LINGO1: variants seen among roughly 807,000 people sequenced by gnomAD.
The protein encoded by LINGO1 is leucine-rich repeat and immunoglobulin-like domain-containing nogo receptor-interacting protein 1.
Under a neutral mutation model 37.3 loss-of-function variants are expected in LINGO1, and 11 were observed. The observed-to-expected ratio is 0.29, with a 90% CI of 0.19 to 0.49. The LOEUF (loss-of-function observed/expected upper bound fraction) is 0.49. LINGO1 is among the 20% of genes least tolerant of loss of function. LINGO1 has a pLI of 0.99. For missense variants in LINGO1, 585 were observed against 878.2 expected, an observed-to-expected ratio of 0.67 and a Z score of 4.22; for synonymous variants, 387 against 403.0, an observed-to-expected ratio of 0.96 and a Z score of 0.48.
intron 1 of LINGO1, among the ~76,000 whole-genome samples, chr15:77,818,285 G>A (rs2077064671): frequency 6.6e-6 from 1 of 152,240 alleles, no homozygotes; most frequent in Non-Finnish European, 1.5e-5. Context: ...CTCCCTCTCA[G>A]AGGCACCATC....
rs1195691068 is a variant in LINGO1 at position 77,632,043 on chromosome 15, G to A, written c.6+267C>T. Among the ~76,000 whole-genome samples the A allele has an allele frequency of 6.6e-6, 1 of 152,208 alleles. No individual in the cohort carries two copies. Among genetic ancestry groups the A allele is most frequent in the Non-Finnish European group, 1.5e-5 (1 of 68,022 alleles). ...GGAAGGGGAGACCAGAGCAGGTCTG[G>A]GACACCCGTGGGGGCCCCTCCCCAG... On this transcript the variant is annotated intron_variant, in intron 1 of 1. Coordinates refer to ENST00000355300, the MANE Select transcript of LINGO1 (RefSeq NM_032808.7). The surrounding 1 kb of genome is among the most constrained non-coding windows in gnomAD (Gnocchi z 6.0).
intron 2 of LINGO1, among the ~76,000 whole-genome samples, chr15:77,734,779 C>T (rs1448525337): frequency 6.6e-6 from 1 of 152,118 alleles, no homozygotes; most frequent in Non-Finnish European, 1.5e-5. Flanking sequence ...CTGCCTTCCT[C>T]CTTTTTCCTA....
intron 3 of LINGO1, among the ~76,000 whole-genome samples, chr15:77,657,753 A>AGGGAGTAGAGATTCGGGAACAGAT (rs1199282769): frequency 6.6e-6 from 1 of 152,144 alleles, no homozygotes; most frequent in East Asian, 1.9e-4. Flanking sequence ...TTAGGGGGGC[A>AGGGAGTAGAGATTCGGGAACAGAT]GGGAGTAGAG....
At chr15:77,725,857 T>TC in intron 2 of LINGO1, among the ~76,000 whole-genome samples, 1 of 152,312 alleles carries the variant, frequency 6.6e-6, no homozygotes, top group Non-Finnish European at 1.5e-5. Context: ...CTGAGATGGC[T>TC]CCAGCATAGC....
chr15:77,725,071 ATGG>A (rs1221182111), intron 2 of LINGO1, among the ~76,000 whole-genome samples: 1 of 152,100 alleles, frequency 6.6e-6, no homozygotes, highest in East Asian at 1.9e-4. Context: ...CCCTTTCCTG[ATGG>A]TGGGGCTCCC....
intron 3 of LINGO1, among the ~76,000 whole-genome samples, chr15:77,664,178 C>A (rs1051991544): frequency 3.0e-5 from 4 of 134,066 alleles, no homozygotes; most frequent in African/African-American, 1.2e-4. Flanking sequence ...TGTGCGCGCG[C>A]GCATGCGTTT....
At chr15:77,808,776 T>C (rs771077758) in intron 1 of LINGO1, among the ~76,000 whole-genome samples, 12 of 152,024 alleles carry the variant, frequency 7.9e-5, no homozygotes, top group South Asian at 2.1e-4. Flanking sequence ...GCTCATGGGG[T>C]TGTTGTTAGG....
At chr15:77,665,700 G>A (rs573282748) in intron 3 of LINGO1, among the ~76,000 whole-genome samples, 12 of 152,162 alleles carry the variant, frequency 7.9e-5, no homozygotes, top group Non-Finnish European at 1.6e-4. Context: ...TGCCCACACC[G>A]CACCCTCCGC....
chr15:77,668,527 G>T (rs1194960921), intron 3 of LINGO1, among the ~76,000 whole-genome samples: 1 of 152,192 alleles, frequency 6.6e-6, no homozygotes, highest in Non-Finnish European at 1.5e-5. Context: ...CCCCTATTCA[G>T]AGAAACAGGG....
intron 1 of LINGO1, among the ~76,000 whole-genome samples, chr15:77,814,828 T>C (rs976774388): frequency 1.3e-5 from 2 of 152,020 alleles, no homozygotes; most frequent in African/African-American, 2.4e-5. Flanking sequence ...GCGCCTAGGG[T>C]TTGGGGATAT....
intron 2 of LINGO1, among the ~76,000 whole-genome samples, chr15:77,680,996 C>A: frequency 6.6e-6 from 1 of 152,154 alleles, no homozygotes; most frequent in Non-Finnish European, 1.5e-5. Context: ...GAAAGCCCTT[C>A]CTGTTGATAA....
At chr15:77,655,014 G>A (rs990679841) in intron 3 of LINGO1, among the ~76,000 whole-genome samples, 4 of 152,126 alleles carry the variant, frequency 2.6e-5, no homozygotes, top group African/African-American at 4.8e-5. Context: ...AGGCTTGCCC[G>A]TTCATCTCAT....
chr15:77,799,595 C>A (rs1460532783), intron 1 of LINGO1, among the ~76,000 whole-genome samples: 1 of 152,182 alleles, frequency 6.6e-6, no homozygotes, highest in African/African-American at 2.4e-5. Context: ...CCAGCCTCAG[C>A]AGCTCCCGCT....
At chr15:77,619,856 C>T (rs1408653508) in intron 1 of LINGO1, among the ~76,000 whole-genome samples, 2 of 152,250 alleles carry the variant, frequency 1.3e-5, no homozygotes, top group African/African-American at 4.8e-5. Context: ...GGGAGCAGGA[C>T]AGCTCTGGGA....
chr15:77,810,594 G>A (rs752506921), intron 1 of LINGO1, among the ~76,000 whole-genome samples: 57 of 152,320 alleles, frequency 3.7e-4, no homozygotes, highest in Admixed American at 5.9e-4. Context: ...AGGCTCTGCA[G>A]TGCTTCACCA....
intron 1 of LINGO1, among the ~76,000 whole-genome samples, chr15:77,753,512 T>C (rs2076390965): frequency 6.6e-6 from 1 of 152,154 alleles, no homozygotes; most frequent in Non-Finnish European, 1.5e-5. Context: ...AAGATGAACA[T>C]CGTCATGGAG....
intron 1 of LINGO1, among the ~76,000 whole-genome samples, chr15:77,621,798 A>G (rs549846127): frequency 2.6e-5 from 4 of 152,284 alleles, no homozygotes; most frequent in African/African-American, 7.2e-5. Flanking sequence ...AATCTCACCT[A>G]ATGTGGGGCT....
chr15:77,702,313 C>A (rs892413363), intron 2 of LINGO1, among the ~76,000 whole-genome samples: 3 of 152,142 alleles, frequency 2.0e-5, no homozygotes, highest in African/African-American at 7.2e-5. Context: ...CTGCATCAGG[C>A]GGGTGGAAAG....
At chr15:77,782,123 C>G (rs2141427529) in intron 1 of LINGO1, among the ~76,000 whole-genome samples, 1 of 152,314 alleles carries the variant, frequency 6.6e-6, no homozygotes, top group East Asian at 1.9e-4. Context: ...TTATACAGAA[C>G]AGAAGGAACA....
Sources: gnomAD v4.1 joint callset for allele counts (sites outside exome capture counted in the v4.1 genomes callset) on GRCh38, gnomAD v4.1.1 for gene constraint, Gnocchi (gnomAD v3.1) non-coding constraint, MANE v1.5 for transcripts, NCBI Gene and HGNC (gene_info 2026-07-23, HGNC 2026-07-21) for gene names.